LRRC53: variants seen among roughly 807,000 people sequenced by gnomAD.
LRRC53 encodes the protein leucine rich repeat containing 53, also known as leucine-rich repeat-containing protein 53.
Under a neutral mutation model 13.6 loss-of-function variants are expected in LRRC53, and 25 were observed. The observed-to-expected ratio is 1.83, with a 90% CI of 1.34 to 2.56. The LOEUF is 2.56. Among genes scored for constraint, LRRC53 ranks in the 30% most tolerant of loss-of-function variants. The pLI, the probability that LRRC53 is intolerant of heterozygous loss-of-function variation, is 0.00. For missense variants in LRRC53, 527 were observed against 275.8 expected (o/e 1.91, Z -6.45); for synonymous variants, 204 against 109.8 (o/e 1.86, Z -5.37).
chr1:74,490,050 TAAAAAAAAAAAAA>T (rs36063099), intron 1 of LRRC53, among the ~76,000 whole-genome samples: 3 of 42,892 alleles, frequency 7.0e-5, no homozygotes, highest in Non-Finnish European at 1.0e-4. Context: ...TTTTTTTTTC[TAAAAAAAAAAAAA>T]AAAAAAAAAA....
intron 1 of LRRC53, 39 bp from the exon 2 acceptor site, chr1:74,483,414 G>A: frequency 1.4e-6 from 1 of 707,648 alleles, no homozygotes; most frequent in South Asian, 1.5e-5. Flanking sequence ...TCATAATGTT[G>A]GCATTCACTG....
rs1196324959 is a variant in LRRC53 at position 74,471,770 on chromosome 1, C to G, written c.1852G>C (p.Asp618His). The G allele has an allele frequency of 2.4e-6, 1 of 418,226 alleles. No homozygotes were observed. Among genetic ancestry groups the G allele is most frequent in the Non-Finnish European group, 4.2e-6 (1 of 237,130 alleles). The allele number at this position is 418,226 out of a possible 1,614,324, so 25.9% of individuals were successfully genotyped here. Residue 618 changes from aspartate to histidine, a missense_variant, in exon 5 of 5, where the codon GAC becomes CAC. Asp to His is a moderately conservative substitution (Grantham distance 81). Coordinates refer to ENST00000294635, the MANE Select transcript of LRRC53 (RefSeq NM_001382280.1). ...GATAATCCTGATAAATCTATGTTGT[C>G]CTCACTCATAAGAAATTTTTCTATT... is the stretch of plus-strand genomic sequence containing the variant. ...SAIEKFLMSE[D>H]NIDLSGLSTK...
chr1:74,492,018 A>C (rs778155252), intron 1 of LRRC53: 3 of 1,383,594 alleles, frequency 2.2e-6, no homozygotes. Flanking sequence ...TGGAATAGAA[A>C]GTTAAATCCA....
intron 1 of LRRC53, among the ~76,000 whole-genome samples, chr1:74,500,582 C>T (rs1669567991): frequency 8.3e-6 from 1 of 120,152 alleles, no homozygotes; most frequent in Non-Finnish European, 1.6e-5. Flanking sequence ...CCAGCCTGGG[C>T]GACAGAGCGA....
intron 1 of LRRC53, among the ~76,000 whole-genome samples, chr1:74,506,644 C>T (rs947243190): frequency 6.6e-6 from 1 of 152,218 alleles, no homozygotes; most frequent in African/African-American, 2.4e-5. Context: ...TAGAAATGTA[C>T]AATCTCAGGC....
chr1:74,508,704 G>A (rs1030524801), intron 1 of LRRC53, among the ~76,000 whole-genome samples: 3 of 152,318 alleles, frequency 2.0e-5, no homozygotes, highest in African/African-American at 2.4e-5. Flanking sequence ...CATATGTCTG[G>A]TAGAAGGGAG....
At position 74,480,934 on chromosome 1, in the gene LRRC53, G is replaced by C. The variant is rs1443270271; in HGVS notation, c.123C>G (p.Thr41=). The C allele has an allele frequency of 1.4e-6, 1 of 716,960 alleles. No individual in the cohort carries two copies. Among genetic ancestry groups the C allele is most frequent in the Non-Finnish European group, 2.6e-6 (1 of 384,854 alleles). 44.4% of individuals were successfully genotyped at this position (716,960 alleles called of 1,614,324 possible). The part of the protein sequence containing the change: ...APMTTRVLII[T]DGYLSSIEST... ...TCTCAATAGAGGAGAGATATCCATC[G>C]GTGATGATTAAAACCCTCGTGGTCA... Residue 41 remains threonine, a synonymous_variant, in exon 3 of 5, where the codon ACC becomes ACG. Transcript: ENST00000294635.
intron 1 of LRRC53, among the ~76,000 whole-genome samples, chr1:74,507,796 G>A (rs1361996779): frequency 6.6e-6 from 1 of 152,100 alleles, no homozygotes; most frequent in Non-Finnish European, 1.5e-5. Flanking sequence ...CAGGAACATG[G>A]GCTCTGAGAC....
chr1:74,511,481 T>C (rs1192755478), intron 1 of LRRC53, among the ~76,000 whole-genome samples: 2 of 152,190 alleles, frequency 1.3e-5, no homozygotes, highest in Non-Finnish European at 2.9e-5. Context: ...AATATATTAC[T>C]TACAGGTGGA....
intron 3 of LRRC53, among the ~76,000 whole-genome samples, chr1:74,476,023 T>G (rs946044883): frequency 8.5e-5 from 13 of 152,236 alleles, no homozygotes; most frequent in African/African-American, 3.1e-4. Flanking sequence ...CTATTAAAAA[T>G]TATAAGAAAC....
the LRRC53 span, among the ~76,000 whole-genome samples, chr1:74,521,685 C>G: frequency 6.6e-6 from 1 of 152,256 alleles, no homozygotes; most frequent in East Asian, 1.9e-4. Context: ...AGTCGCTATT[C>G]TCGCAGAGTT....
At chr1:74,482,289 T>G (rs1178038907) in intron 2 of LRRC53, among the ~76,000 whole-genome samples, 3 of 152,192 alleles carry the variant, frequency 2.0e-5, no homozygotes, top group Non-Finnish European at 4.4e-5. Context: ...TTATGAAATC[T>G]AACTTCACAA....
the LRRC53 span, among the ~76,000 whole-genome samples, chr1:74,521,871 G>T: frequency 2.0e-5 from 3 of 152,220 alleles, no homozygotes; most frequent in African/African-American, 7.2e-5. Flanking sequence ...AGCCTGTGCT[G>T]GTCTATTCAT....
intron 1 of LRRC53, among the ~76,000 whole-genome samples, chr1:74,504,418 C>CA (rs1669786263): frequency 6.6e-6 from 1 of 152,118 alleles, no homozygotes; most frequent in African/African-American, 2.4e-5. Context: ...TCACGCCGAA[C>CA]AAAGGTGTGC....
the LRRC53 span, among the ~76,000 whole-genome samples, chr1:74,526,483 C>T: frequency 6.6e-6 from 1 of 152,140 alleles, no homozygotes; most frequent in South Asian, 2.1e-4. Context: ...TAACCTGTGA[C>T]TTTGGCCAAG....
intron 1 of LRRC53, among the ~76,000 whole-genome samples, chr1:74,491,884 G>C (rs909534718): frequency 6.6e-6 from 1 of 152,186 alleles, no homozygotes; most frequent in Non-Finnish European, 1.5e-5. Context: ...TAACAGGCCA[G>C]CTCTCAGCAC....
In LRRC53 at chr1:74,501,677, C is replaced by T. The variant is rs1428274625; in HGVS notation, c.-27+10849G>A. Among the ~76,000 whole-genome samples, 5 of 151,912 alleles carry T rather than the reference C, an allele frequency of 3.3e-5. No homozygotes were observed. The East Asian group carries it at 7.7e-4, about 23-fold the overall frequency. ...AATTTTTGTACTTTTTTAGTAGAGA[C>T]GGGGTTTCACCATGTTGGTCAGGCT... On this transcript the variant is annotated intron_variant, in intron 1 of 4. Coordinates refer to ENST00000294635, the MANE Select transcript of LRRC53 (RefSeq NM_001382280.1).
intron 1 of LRRC53, among the ~76,000 whole-genome samples, chr1:74,486,217 G>C (rs1485124504): frequency 6.6e-6 from 1 of 151,728 alleles, no homozygotes; most frequent in Non-Finnish European, 1.5e-5. Context: ...GAGAGAGAGA[G>C]AGAGAGAGAG....
chr1:74,519,072 C>T, the LRRC53 span, among the ~76,000 whole-genome samples: 1 of 93,144 alleles, frequency 1.1e-5, no homozygotes, highest in Admixed American at 1.1e-4. Context: ...GTGATATTCC[C>T]CTTCCTGTGT....
Sources: allele counts gnomAD v4.1 joint callset (sites outside exome capture counted in the v4.1 genomes callset), GRCh38; gene constraint gnomAD v4.1.1; transcripts MANE v1.5; gene names NCBI Gene and HGNC (gene_info 2026-07-23, HGNC 2026-07-21).